Variants in PARD3 observed in about 807,000 individuals in gnomAD.
PARD3 encodes par-3 family cell polarity regulator, also known as partitioning defective 3 homolog.
PARD3 carries 75 observed loss-of-function variants against 155.4 expected under a neutral mutation model. The ratio of observed to expected loss-of-function variants is 0.48; its 90% CI spans 0.40 to 0.58. The LOEUF is 0.58. PARD3 is among the 20% of genes least tolerant of loss of function. PARD3 has a pLI of 0.00. For synonymous variants in PARD3, 576 were observed against 610.5 expected (o/e 0.94, Z 0.83); for missense variants, 1,642 against 1,721.7 (o/e 0.95, Z 0.82).
chr10:34,584,445 A>G (rs2087804237), intron 2 of PARD3, among the ~76,000 whole-genome samples: 1 of 152,206 alleles, frequency 6.6e-6, no homozygotes, highest in South Asian at 2.1e-4. Flanking sequence ...AAGCCAAAAC[A>G]TATGTAAAAC....
intron 22 of PARD3, among the ~76,000 whole-genome samples, chr10:34,233,762 C>A (rs1435877271): frequency 6.6e-6 from 1 of 152,092 alleles, no homozygotes; most frequent in Non-Finnish European, 1.5e-5. Flanking sequence ...CATCCCACCT[C>A]CTAGTGCAAG....
chr10:34,447,710 C>G (rs1298476001), intron 5 of PARD3, among the ~76,000 whole-genome samples: 1 of 150,752 alleles, frequency 6.6e-6, no homozygotes, highest in Non-Finnish European at 1.5e-5. Context: ...GAGGCTGAGG[C>G]AGGGGAATTG....
chr10:34,782,925 A>T (rs2134181538), intron 1 of PARD3, among the ~76,000 whole-genome samples: 1 of 152,092 alleles, frequency 6.6e-6, no homozygotes, highest in Non-Finnish European at 1.5e-5. Flanking sequence ...GGGTTTCACC[A>T]TGTTGGCCAG....
chr10:34,755,455 G>A (rs1836595529), intron 1 of PARD3, among the ~76,000 whole-genome samples: 1 of 152,014 alleles, frequency 6.6e-6, no homozygotes, highest in Non-Finnish European at 1.5e-5. Flanking sequence ...GATCACAAGA[G>A]CCCAGTGCAA....
rs113736524 is a variant in PARD3, at chr10:34,314,692, G to A, written c.3065+2415C>T. 1.4e-3 allele frequency among the ~76,000 whole-genome samples: 211 copies of A among 152,280 alleles called. 1 individual carries two copies. The highest frequency in any genetic ancestry group is 4.8e-3 in the African/African-American group (198 of 41,552). On this transcript the variant is annotated intron_variant, in intron 20 of 24. Coordinates refer to ENST00000374788, the MANE Select transcript of PARD3 (RefSeq NM_001184785.2). ...GCATGATGTCACTAAACACGGGGCC[G>A]GGAAAAGCTGCACAGTCGTCATTAT...
chr10:34,810,666 A>C (rs1418544439), intron 1 of PARD3, among the ~76,000 whole-genome samples: 2 of 152,174 alleles, frequency 1.3e-5, no homozygotes, highest in African/African-American at 4.8e-5. Context: ...AACAGGAAAA[A>C]TCCAAGCAGC....
intron 2 of PARD3, among the ~76,000 whole-genome samples, chr10:34,606,217 T>C (rs1024941771): frequency 7.0e-6 from 1 of 143,766 alleles, no homozygotes; most frequent in African/African-American, 2.6e-5. Flanking sequence ...TGTGTAGTTC[T>C]GTCCCTTTAA....
At chr10:34,372,735 A>C (rs527737164) in intron 11 of PARD3, among the ~76,000 whole-genome samples, 199 bp from the exon 12 acceptor site, 16 of 152,134 alleles carry the variant, frequency 1.1e-4, no homozygotes, top group Non-Finnish European at 1.6e-4. Flanking sequence ...GTGTGTTTTA[A>C]GAAATTTTTC....
At chr10:34,386,273 G>C (rs1203891235) in intron 7 of PARD3, among the ~76,000 whole-genome samples, 1 of 152,024 alleles carries the variant, frequency 6.6e-6, no homozygotes, top group African/African-American at 2.4e-5. Flanking sequence ...ATAATATTTA[G>C]TTACTTATTA....
chr10:34,515,527 C>T (rs985163121), intron 3 of PARD3, among the ~76,000 whole-genome samples: 9 of 152,322 alleles, frequency 5.9e-5, no homozygotes, highest in African/African-American at 1.9e-4. Context: ...GCATCACTTA[C>T]GTATCCCATC....
chr10:34,340,960 C>G (rs1002016455), intron 16 of PARD3, among the ~76,000 whole-genome samples: 1 of 152,024 alleles, frequency 6.6e-6, no homozygotes, highest in Admixed American at 6.6e-5. Context: ...CTTGTGAGGT[C>G]GTCCCCAAGA....
intron 2 of PARD3, among the ~76,000 whole-genome samples, chr10:34,687,068 A>G (rs922239703): frequency 1.3e-5 from 2 of 152,084 alleles, no homozygotes; most frequent in African/African-American, 4.8e-5. Context: ...AAACAAATAA[A>G]ATAATAAATT....
chr10:34,162,042 T>C (rs552802104), intron 22 of PARD3, among the ~76,000 whole-genome samples: 1 of 152,244 alleles, frequency 6.6e-6, no homozygotes, highest in South Asian at 2.1e-4. Flanking sequence ...TATATGTACA[T>C]ATGATAGAGG....
chr10:34,782,276 T>A (rs946767170), intron 1 of PARD3, among the ~76,000 whole-genome samples: 1 of 152,186 alleles, frequency 6.6e-6, no homozygotes, highest in African/African-American at 2.4e-5. Context: ...AAGGAAAGAC[T>A]GAAGTTCTAA....
chr10:34,545,159 T>C (rs909982137), intron 2 of PARD3, among the ~76,000 whole-genome samples: 3 of 152,230 alleles, frequency 2.0e-5, no homozygotes, highest in Non-Finnish European at 4.4e-5. Flanking sequence ...AGATTTTTAT[T>C]TAATTACCTG....
rs1472932175 is a variant in PARD3, at chr10:34,371,515, AAAAAAAAAAAAAAAAAAC to A, written c.1707+965_1707+982del. On this transcript the variant is annotated intron_variant, in intron 12 of 24. Coordinates refer to ENST00000374788, the MANE Select transcript of PARD3 (RefSeq NM_001184785.2). ...AAAAAAAAAAAAAAAAAAAAAAAAA[AAAAAAAAAAAAAAAAAAC>A]AACGAAGGAATATTTGAAAAATAAC... Among the ~76,000 whole-genome samples, 183 of 91,504 alleles carry A rather than the reference AAAAAAAAAAAAAAAAAAC, an allele frequency of 2.0e-3. 14 individuals are homozygous for A. Among genetic ancestry groups the A allele is most frequent in the African/African-American group, 0.012 (127 of 10,678 alleles). The allele number at this position is 91,504 out of a possible 152,430, so 60.0% of individuals were successfully genotyped here. A position where few individuals can be genotyped will look rare whatever the true frequency, so the allele number is the denominator to read the frequency against.
intron 12 of PARD3, among the ~76,000 whole-genome samples, chr10:34,365,626 T>C (rs371985552): frequency 1.3e-5 from 2 of 152,220 alleles, no homozygotes; most frequent in African/African-American, 4.8e-5. Flanking sequence ...TCTCGCTCTG[T>C]TGCCCAGGCT....
intron 2 of PARD3, among the ~76,000 whole-genome samples, chr10:34,545,484 A>AT (rs1407533580): frequency 2.0e-5 from 3 of 152,242 alleles, no homozygotes; most frequent in African/African-American, 4.8e-5. Flanking sequence ...AAAAAATATT[A>AT]TAACTGCCTT....
At chr10:34,588,245 T>C (rs954709198) in intron 2 of PARD3, among the ~76,000 whole-genome samples, 1 of 152,166 alleles carries the variant, frequency 6.6e-6, no homozygotes, top group Non-Finnish European at 1.5e-5. Context: ...TATGTCCTGT[T>C]TTTCAGAAAC....
Sources: gnomAD v4.1 joint callset for allele counts (sites outside exome capture counted in the v4.1 genomes callset) on GRCh38, gnomAD v4.1.1 for gene constraint, MANE v1.5 for transcripts, NCBI Gene and HGNC (gene_info 2026-07-23, HGNC 2026-07-21) for gene names.